The following SLAMF1 variants were observed in gnomAD, a reference collection of about 807,000 sequenced individuals.
The protein encoded by SLAMF1 is signaling lymphocytic activation molecule family member 1, also known as signaling lymphocytic activation molecule.
Under a neutral mutation model 35.1 loss-of-function variants are expected in SLAMF1, and 18 were observed. The observed-to-expected ratio is 0.51, with a 90% CI of 0.35 to 0.76. The LOEUF (loss-of-function observed/expected upper bound fraction) is 0.76, where lower values mean the gene tolerates loss of function less well. Among genes scored for constraint, SLAMF1 ranks in the 30% least tolerant of loss-of-function variants. SLAMF1 has a pLI of 0.01. For missense variants in SLAMF1, 392 were observed against 413.0 expected (o/e 0.95, Z 0.44); for synonymous variants, 168 against 157.2 (o/e 1.07, Z -0.51).
intron 1 of SLAMF1, among the ~76,000 whole-genome samples, chr1:160,639,638 G>C (rs912889275): frequency 6.6e-5 from 10 of 151,918 alleles, no homozygotes; most frequent in Non-Finnish European, 1.5e-4. Context: ...CCCAGGCCTG[G>C]GTACTGCCGT....
chr1:160,612,606 T>G, intron 5 of SLAMF1, 26 bp from the exon 6 acceptor site: 1 of 1,416,814 alleles, frequency 7.1e-7, no homozygotes, highest in Non-Finnish European at 1.0e-6. Flanking sequence ...AGAAAGCAGA[T>G]TAGCTGAACA....
chr1:160,636,918 C>T (rs1352948120), intron 2 of SLAMF1: 5 of 435,134 alleles, frequency 1.1e-5, no homozygotes, highest in African/African-American at 8.1e-5. Context: ...GTCTATCGGC[C>T]CTCCAGCCCA....
intron 5 of SLAMF1, among the ~76,000 whole-genome samples, chr1:160,618,262 A>G (rs1659417959): frequency 1.3e-5 from 2 of 152,230 alleles, no homozygotes; most frequent in Admixed American, 6.5e-5. Context: ...AAAACAAATT[A>G]GGAAGACTTG....
At chr1:160,643,179 C>T (rs1479729379) in intron 1 of SLAMF1, among the ~76,000 whole-genome samples, 2 of 152,134 alleles carry the variant, frequency 1.3e-5, no homozygotes, top group African/African-American at 2.4e-5. Context: ...AGCTATCCCC[C>T]CTCCCCGTCT....
intron 3 of SLAMF1, among the ~76,000 whole-genome samples, chr1:160,633,012 T>C (rs891469722): frequency 3.3e-5 from 5 of 152,172 alleles, no homozygotes; most frequent in Admixed American, 1.3e-4. Context: ...AACTGGCACA[T>C]AGTAAACCAT....
rs1480074267 is a variant in SLAMF1 at position 160,619,767 on chromosome 1, A to G, written c.864+9T>C. 3 of 1,569,776 alleles carry G rather than the reference A, an allele frequency of 1.9e-6. No individual in the cohort carries two copies. The highest frequency in any genetic ancestry group is 2.6e-6 in the Non-Finnish European group (3 of 1,139,570). On this transcript the variant is annotated intron_variant, in intron 5 of 6. Transcript: ENST00000302035. ...GACAGGTTCATCTCAAACAAAATATAGAACTTACACCTGGTTTCTGGACTT... is the reference window on the plus strand; with the variant it reads ...GACAGGTTCATCTCAAACAAAATATGGAACTTACACCTGGTTTCTGGACTT...
chr1:160,645,138 TG>T (rs1366211327), intron 1 of SLAMF1, among the ~76,000 whole-genome samples: 8 of 152,302 alleles, frequency 5.3e-5, no homozygotes, highest in Non-Finnish European at 7.4e-5. Flanking sequence ...GGAAGGGACA[TG>T]TGGACTTTTT....
chr1:160,615,505 C>A (rs1413776245), intron 5 of SLAMF1, among the ~76,000 whole-genome samples: 1 of 152,024 alleles, frequency 6.6e-6, no homozygotes, highest in Non-Finnish European at 1.5e-5. Context: ...AAAGAAACCC[C>A]AGTCTCAGAT....
At chr1:160,630,500 A>G (rs562752312) in intron 3 of SLAMF1, among the ~76,000 whole-genome samples, 11 of 152,284 alleles carry the variant, frequency 7.2e-5, no homozygotes, top group African/African-American at 2.4e-4. Context: ...AAATGTCTTA[A>G]AATCACTGTC....
In SLAMF1 at chr1:160,637,297, G is replaced by A. The variant is rs372471500; in HGVS notation, c.309C>T (p.Leu103=). Residue 103 remains leucine (L), a synonymous_variant, in exon 2 of 7, where the codon CTC becomes CTT. Coordinates refer to ENST00000302035, the MANE Select transcript of SLAMF1 (RefSeq NM_003037.5). ...GDRYKFYLEN[L]TLGIRESRKE... is the part of the protein sequence containing the mutation. ...TCCTGCTTTCCCGTATCCCCAGGGT[G>A]AGATTCTCCAGATAAAACTTGTAGC... is the stretch of plus-strand genomic sequence containing the variant. 2 of 1,613,778 alleles carry A rather than the reference G, an allele frequency of 1.2e-6. No homozygotes were observed. Among genetic ancestry groups the A allele is most frequent in the African/African-American group, 1.3e-5 (1 of 74,914 alleles).
Position 160,608,214 on chromosome 1 carries a change from T to A in SLAMF1, c.*2534A>T, listed in dbSNP as rs1726. On this transcript the variant is annotated 3_prime_UTR_variant, in exon 7 of 7. Coordinates refer to ENST00000302035, the MANE Select transcript of SLAMF1 (RefSeq NM_003037.5). The stretch of plus-strand genomic sequence containing the variant: ...TTCTCAGCCAGCACACACCACCCGC[T>A]GTAACAATCACATCCCCGCTGTGTG... 0.31 allele frequency: 47,792 copies of A among 152,104 alleles called. 7,827 individuals are homozygous for A. Among genetic ancestry groups the A allele is most frequent in the Middle Eastern group, 0.43 (125 of 292 alleles). 9.4% of individuals were successfully genotyped at this position (152,104 alleles called of 1,614,324 possible). A position where few individuals can be genotyped will look rare whatever the true frequency, so the allele number is the denominator to read the frequency against.
rs1462152837 is a variant in SLAMF1, at chr1:160,609,189, C to T, written c.*1559G>A. On this transcript the variant is annotated 3_prime_UTR_variant, in exon 7 of 7. Coordinates refer to ENST00000302035, the MANE Select transcript of SLAMF1 (RefSeq NM_003037.5). Reference sequence around the variant, plus strand: ...GCTGTGCATGAACAGGATCATCATCCCTGGGCTGGTTTTGTAATTTTGGCT... The same window carrying T: ...GCTGTGCATGAACAGGATCATCATCTCTGGGCTGGTTTTGTAATTTTGGCT... 6.6e-6 allele frequency: 1 copy of T among 152,176 alleles called. No homozygotes were observed. Among genetic ancestry groups the T allele is most frequent in the African/African-American group, 2.4e-5 (1 of 41,432 alleles). 9.4% of individuals were successfully genotyped at this position (152,176 alleles called of 1,614,324 possible).
chr1:160,630,004 C>T lies in SLAMF1; in HGVS notation c.700+4609G>A, dbSNP rs140803440. ...TCCGGAGCTCACTGGCAGGCGTCAG[C>T]CTTTTCTTTCACTGAGCTAACTCAG... On this transcript the variant is annotated intron_variant, in intron 3 of 6. Coordinates refer to ENST00000302035, the MANE Select transcript of SLAMF1 (RefSeq NM_003037.5). Among the ~76,000 whole-genome samples the T allele has an allele frequency of 3.9e-5, 6 of 152,320 alleles. No homozygotes were observed. The East Asian group carries it at 5.8e-4, about 15-fold the overall frequency.
rs557775686 is a variant in SLAMF1 at position 160,636,999 on chromosome 1, T to G, written c.415+192A>C. ...CTAATGCTTAATCAGCTACCATCAATATGCAATTTGGAAAAAAAAATGTCA... is the reference window on the plus strand; with the variant it reads ...CTAATGCTTAATCAGCTACCATCAAGATGCAATTTGGAAAAAAAAATGTCA... On this transcript the variant is annotated intron_variant, in intron 2 of 6. Coordinates refer to ENST00000302035, the MANE Select transcript of SLAMF1 (RefSeq NM_003037.5). 1.2e-5 allele frequency: 7 copies of G among 590,204 alleles called. No individual in the cohort carries two copies. The East Asian group carries it at 1.7e-4, about 14-fold the overall frequency. 36.6% of individuals were successfully genotyped at this position (590,204 alleles called of 1,614,324 possible). A position where few individuals can be genotyped will look rare whatever the true frequency, so the allele number is the denominator to read the frequency against.
chr1:160,637,435 G>A lies in SLAMF1; in HGVS notation c.171C>T (p.Asn57=), dbSNP rs772598913. The change falls in exon 2 of 7, where the codon AAC becomes AAT. Residue 57 remains asparagine, a synonymous_variant. Transcript: ENST00000302035. ...LTYERINKSM[N]KSIHIVVTMA... ...TTGTGACGACAATGTGGATGCTTTT[G>A]TTCATGCTCTTATTTATCCTTTCAT... is the stretch of plus-strand genomic sequence containing the variant. 4 of 1,614,124 alleles carry A rather than the reference G, an allele frequency of 2.5e-6. No individual in the cohort carries two copies. Among genetic ancestry groups the A allele is most frequent in the Non-Finnish European group, 3.4e-6 (4 of 1,179,984 alleles).
chr1:160,619,156 T>A (rs1377163763), intron 5 of SLAMF1, among the ~76,000 whole-genome samples: 1 of 152,184 alleles, frequency 6.6e-6, no homozygotes, highest in Non-Finnish European at 1.5e-5. Flanking sequence ...AAAACTACAG[T>A]GTCTCTACAT....
intron 6 of SLAMF1, among the ~76,000 whole-genome samples, chr1:160,611,313 G>A (rs1658973222): frequency 1.3e-5 from 2 of 152,200 alleles, no homozygotes; most frequent in Admixed American, 1.3e-4. Context: ...GCCATAAAAT[G>A]TTAACTATAG....
At chr1:160,645,799 G>C (rs560538957) in intron 1 of SLAMF1, among the ~76,000 whole-genome samples, 2 of 152,290 alleles carry the variant, frequency 1.3e-5, no homozygotes, top group Non-Finnish European at 2.9e-5. Context: ...TCGTCTGGCT[G>C]TCTGGTAAAA....
At chr1:160,620,343 G>C (rs1659541791) in intron 4 of SLAMF1, among the ~76,000 whole-genome samples, 1 of 152,066 alleles carries the variant, frequency 6.6e-6, no homozygotes, top group Non-Finnish European at 1.5e-5. Context: ...TATTTCTGGG[G>C]GAATTGATGT....
Sources: gnomAD v4.1 joint callset for allele counts (sites outside exome capture counted in the v4.1 genomes callset) on GRCh38, gnomAD v4.1.1 for gene constraint, MANE v1.5 for transcripts, NCBI Gene and HGNC (gene_info 2026-07-23, HGNC 2026-07-21) for gene names.